ATP9B: variants seen among roughly 807,000 people sequenced by gnomAD.
The protein encoded by ATP9B is probable phospholipid-transporting ATPase IIB.
Under a neutral mutation model 146.1 loss-of-function variants are expected in ATP9B, and 110 were observed. The ratio of observed to expected loss-of-function variants is 0.75; its 90% CI spans 0.65 to 0.88. The LOEUF (loss-of-function observed/expected upper bound fraction) is 0.88. Ranked by LOEUF, ATP9B falls within the 40% of genes least tolerant of loss-of-function variation. The probability of loss-of-function intolerance (pLI) is 0.00; values close to 1 mark genes in which losing one functional copy is unlikely to be tolerated. For synonymous variants in ATP9B, 604 were observed against 569.7 expected (o/e 1.06, Z -0.86); for missense variants, 1,499 against 1,496.4 (o/e 1.00, Z -0.03).
At chr18:79,118,741 T>G (rs113561094) in intron 4 of ATP9B, among the ~76,000 whole-genome samples, 1 of 152,060 alleles carries the variant, frequency 6.6e-6, no homozygotes, top group African/African-American at 2.4e-5. Context: ...CTAGCCCCTT[T>G]TTTTCTATTC....
intron 11 of ATP9B, among the ~76,000 whole-genome samples, chr18:79,227,068 G>T (rs1350293929): frequency 2.0e-5 from 3 of 152,164 alleles, no homozygotes; most frequent in East Asian, 1.9e-4. Flanking sequence ...TCTTTTTTTG[G>T]TGGGCTATAA....
At chr18:79,325,003 A>G (rs1037341722) in intron 15 of ATP9B, among the ~76,000 whole-genome samples, 6 of 152,206 alleles carry the variant, frequency 3.9e-5, no homozygotes, top group Admixed American at 2.0e-4. Flanking sequence ...CTGGAGAGCC[A>G]TGTGGGGAAG....
chr18:79,276,380 T>A (rs1193360569), intron 12 of ATP9B, among the ~76,000 whole-genome samples: 3 of 152,262 alleles, frequency 2.0e-5, no homozygotes, highest in Admixed American at 1.3e-4. Context: ...TATGAAATTT[T>A]AAAAATGACT....
chr18:79,107,615 T>G (rs183582618), intron 2 of ATP9B, among the ~76,000 whole-genome samples: 1 of 152,314 alleles, frequency 6.6e-6, no homozygotes, highest in East Asian at 1.9e-4. Context: ...ACCAAGGAGC[T>G]TCCATAGGGT....
At position 79,196,540 on chromosome 18, in the gene ATP9B, G is replaced by C. The variant is rs141861386; in HGVS notation, c.954+3277G>C. On this transcript the variant is annotated intron_variant, in intron 9 of 29. Coordinates refer to ENST00000426216, the MANE Select transcript of ATP9B (RefSeq NM_198531.5). ...CAGTCAGAGACTATTGAAAGCTGAC[G>C]AGCTCAATAGTAGCTGTCAAAGCAA... Among the ~76,000 whole-genome samples, 515 of 152,310 alleles carry C rather than the reference G, an allele frequency of 3.4e-3. 5 individuals carry two copies. The highest frequency in any genetic ancestry group is 0.012 in the African/African-American group (485 of 41,568).
chr18:79,279,502 G>A (rs1289731343), intron 13 of ATP9B, among the ~76,000 whole-genome samples: 1 of 152,086 alleles, frequency 6.6e-6, no homozygotes, highest in African/African-American at 2.4e-5. Flanking sequence ...CATAGAAAAA[G>A]CAAAAGAAAC....
At chr18:79,171,342 A>T (rs542390924) in intron 7 of ATP9B, among the ~76,000 whole-genome samples, 3 of 152,308 alleles carry the variant, frequency 2.0e-5, no homozygotes, top group African/African-American at 7.2e-5. Flanking sequence ...AAATATGAAT[A>T]TTTTTATACT....
intron 25 of ATP9B, among the ~76,000 whole-genome samples, chr18:79,355,154 C>T (rs982052716): frequency 2.0e-5 from 3 of 152,246 alleles, no homozygotes; most frequent in African/African-American, 7.2e-5. Flanking sequence ...AAAAACAGCG[C>T]CCTCCTTTCC....
chr18:79,267,481 A>G (rs564015644), intron 12 of ATP9B, among the ~76,000 whole-genome samples: 3 of 152,136 alleles, frequency 2.0e-5, no homozygotes, highest in Admixed American at 1.3e-4. Flanking sequence ...TTGTGAATAT[A>G]TGTATTGGAG....
chr18:79,368,739 G>A (rs928806295), intron 26 of ATP9B, among the ~76,000 whole-genome samples: 12 of 151,994 alleles, frequency 7.9e-5, no homozygotes, highest in Admixed American at 3.9e-4. Context: ...AGTGAGTGTG[G>A]CAAGCAGAAG....
At chr18:79,116,940 T>TAAAAAAAAAAAAAAAAAAAAAAAAATA (rs377608135) in intron 4 of ATP9B, among the ~76,000 whole-genome samples, 1 of 106,802 alleles carries the variant, frequency 9.4e-6, no homozygotes, top group Non-Finnish European at 1.9e-5. Context: ...AAAAAAAAAT[T>TAAAAAAAAAAAAAAAAAAAAAAAAATA]AAAAAAAAAA....
At chr18:79,105,406 A>G (rs1568184835) in intron 2 of ATP9B, among the ~76,000 whole-genome samples, 2 of 152,210 alleles carry the variant, frequency 1.3e-5, no homozygotes, top group Non-Finnish European at 2.9e-5. Flanking sequence ...TAAATATTTA[A>G]GTGTATTTCT....
chr18:79,231,088 T>A (rs906646994), intron 11 of ATP9B, among the ~76,000 whole-genome samples: 21 of 152,170 alleles, frequency 1.4e-4, no homozygotes, highest in Admixed American at 2.0e-4. Context: ...AGACATTGGC[T>A]TAGGCAAAGA....
chr18:79,143,747 G>T (rs2094542512), intron 5 of ATP9B, 55 bp from the exon 6 acceptor site: 1 of 1,120,688 alleles, frequency 8.9e-7, no homozygotes, highest in African/African-American at 1.6e-5. Context: ...ATTGAAAGTT[G>T]AACTTGGGTG....
intron 7 of ATP9B, among the ~76,000 whole-genome samples, chr18:79,165,511 A>T (rs556410642): frequency 1.3e-5 from 2 of 152,202 alleles, no homozygotes; most frequent in African/African-American, 4.8e-5. Flanking sequence ...TTGAAAACCT[A>T]TGGAGGGCTT....
chr18:79,170,622 A>G (rs2095055932), intron 7 of ATP9B, among the ~76,000 whole-genome samples: 1 of 152,184 alleles, frequency 6.6e-6, no homozygotes, highest in African/African-American at 2.4e-5. Context: ...GGTTTCTGGA[A>G]TCAAATTGTA....
At chr18:79,220,058 T>C (rs1329486484) in intron 11 of ATP9B, among the ~76,000 whole-genome samples, 2 of 152,168 alleles carry the variant, frequency 1.3e-5, no homozygotes, top group African/African-American at 4.8e-5. Context: ...GATAGGCTGC[T>C]GGGCTGGTGC....
chr18:79,159,538 AGT>A (rs1429763297), intron 7 of ATP9B, among the ~76,000 whole-genome samples: 2 of 152,024 alleles, frequency 1.3e-5, no homozygotes, highest in African/African-American at 4.8e-5. Flanking sequence ...CAGCTTTCTC[AGT>A]GTTTCTCCTG....
In ATP9B at chr18:79,376,214, C is replaced by CACAAAAA; in HGVS notation, c.3307+789_3307+790insCAAAAAA. 74 of 884,874 alleles carry CACAAAAA rather than the reference C, an allele frequency of 8.4e-5. 1 individual carries two copies. In the African/African-American group the frequency reaches 1.4e-3, roughly 17 times the overall value. The allele number at this position is 884,874 out of a possible 1,614,324, so 54.8% of individuals were successfully genotyped here. On this transcript the variant is annotated intron_variant, in intron 29 of 29. Transcript: ENST00000426216. ...ACACACACACACACACACACACACA[C>CACAAAAA]AAAACAAAACAAAAAAATGGCTAGC...
Sources: gnomAD v4.1 joint callset for allele counts (sites outside exome capture counted in the v4.1 genomes callset) on GRCh38, gnomAD v4.1.1 for gene constraint, MANE v1.5 for transcripts, NCBI Gene and HGNC (gene_info 2026-07-23, HGNC 2026-07-21) for gene names.